NLGN1: variants seen among roughly 807,000 people sequenced by gnomAD.
The protein encoded by NLGN1 is neuroligin 1.
Under a neutral mutation model 65.5 loss-of-function variants are expected in NLGN1, and 12 were observed. The observed-to-expected ratio is 0.18, with a 90% CI of 0.12 to 0.30. The LOEUF (loss-of-function observed/expected upper bound fraction) is 0.30. NLGN1 is among the 10% of genes least tolerant of loss of function. The probability of loss-of-function intolerance (pLI) is 1.00; values close to 1 mark genes in which losing one functional copy is unlikely to be tolerated. For missense variants in NLGN1, 750 were observed against 1,007.1 expected, an observed-to-expected ratio of 0.74 and a Z score of 3.46; for synonymous variants, 350 against 359.5, an observed-to-expected ratio of 0.97 and a Z score of 0.30.
rs572590242 is a variant in NLGN1, at chr3:173,964,524, T to C, written c.646+156692T>C. Among the ~76,000 whole-genome samples, 14 of 152,324 alleles carry C rather than the reference T, an allele frequency of 9.2e-5. No homozygotes were observed. The South Asian group carries it at 2.3e-3, about 25-fold the overall frequency. ...ACCAGGAAACACAGACTCAAGCTTA[T>C]ACTTTCTGGTGATAGAATATCAAAG... On this transcript the variant is annotated intron_variant, in intron 4 of 6. Coordinates refer to ENST00000457714, the Ensembl canonical transcript of NLGN1.
chr3:174,163,460 G>A (rs1379165967), intron 4 of NLGN1, among the ~76,000 whole-genome samples: 1 of 151,718 alleles, frequency 6.6e-6, no homozygotes, highest in Non-Finnish European at 1.5e-5. Context: ...TTAGACTCAG[G>A]GGTACATATA....
At chr3:173,543,428 A>T (rs151334256) in intron 2 of NLGN1, among the ~76,000 whole-genome samples, 1 of 152,286 alleles carries the variant, frequency 6.6e-6, no homozygotes, top group African/African-American at 2.4e-5. Context: ...GCCTTTTTAA[A>T]GCAGTACATA....
chr3:173,722,173 A>C (rs1037627305), intron 3 of NLGN1, among the ~76,000 whole-genome samples: 8 of 151,860 alleles, frequency 5.3e-5, no homozygotes, highest in Non-Finnish European at 7.4e-5. Context: ...CTCAGTAACA[A>C]GTTCTTCAGT....
chr3:173,711,518 C>T (rs6800057), intron 3 of NLGN1, among the ~76,000 whole-genome samples: 17,850 of 152,126 alleles, frequency 0.12, 1,226 homozygotes, highest in African/African-American at 0.2. Flanking sequence ...ATAACAGTGT[C>T]TTTTGAAAAC....
chr3:173,719,271 T>C (rs1770406270), intron 3 of NLGN1, among the ~76,000 whole-genome samples: 1 of 152,236 alleles, frequency 6.6e-6, no homozygotes, highest in Admixed American at 6.6e-5. Flanking sequence ...TCTTTTTGTC[T>C]TTCCTGGACT....
At chr3:173,715,096 G>A (rs761974939) in intron 3 of NLGN1, among the ~76,000 whole-genome samples, 2 of 152,104 alleles carry the variant, frequency 1.3e-5, no homozygotes, top group African/African-American at 2.4e-5. Flanking sequence ...AAAGGTGGGG[G>A]AGAGAGAGAA....
intron 4 of NLGN1, among the ~76,000 whole-genome samples, chr3:173,917,318 A>G (rs1740943349): frequency 6.6e-6 from 1 of 152,140 alleles, no homozygotes; most frequent in Non-Finnish European, 1.5e-5. Flanking sequence ...TCAGACACAT[A>G]AGAAACTAAA....
At chr3:173,426,819 T>C (rs1378940349) in intron 1 of NLGN1, among the ~76,000 whole-genome samples, 10 of 152,060 alleles carry the variant, frequency 6.6e-5, no homozygotes, top group Non-Finnish European at 7.4e-5. Flanking sequence ...GGTTTTGGTT[T>C]CAGGGTAATG....
In NLGN1 at chr3:173,951,929, G is replaced by A. The variant is rs115197763; in HGVS notation, c.646+144097G>A. Among the ~76,000 whole-genome samples the A allele has an allele frequency of 8.1e-3, 1,230 of 152,170 alleles. 22 individuals are homozygous for A. The highest frequency in any genetic ancestry group is 0.024 in the African/African-American group (1,010 of 41,506). Reference sequence around the variant, plus strand: ...TTATGGCTTAGTGTTAAACCATTTTGGTTAGATTTTTCACAACATAACTTA... The same window carrying A: ...TTATGGCTTAGTGTTAAACCATTTTAGTTAGATTTTTCACAACATAACTTA... On this transcript the variant is annotated intron_variant, in intron 4 of 6. Coordinates refer to ENST00000457714, the Ensembl canonical transcript of NLGN1.
chr3:174,224,638 G>A (rs1028736269), intron 4 of NLGN1, among the ~76,000 whole-genome samples: 1 of 152,176 alleles, frequency 6.6e-6, no homozygotes, highest in Non-Finnish European at 1.5e-5. Flanking sequence ...GGCAGAGGTT[G>A]CAGTGAGCCG....
chr3:173,983,430 T>C (rs973986236), intron 4 of NLGN1, among the ~76,000 whole-genome samples: 2 of 152,124 alleles, frequency 1.3e-5, no homozygotes, highest in African/African-American at 4.8e-5. Context: ...ACCCAAAGGA[T>C]TAGTGCAGAA....
At chr3:173,802,168 A>G (rs1489562546) in intron 3 of NLGN1, among the ~76,000 whole-genome samples, 1 of 152,090 alleles carries the variant, frequency 6.6e-6, no homozygotes, top group Non-Finnish European at 1.5e-5. Flanking sequence ...TTGTTAAAAC[A>G]GCTTCAAGTA....
intron 2 of NLGN1, among the ~76,000 whole-genome samples, chr3:173,593,996 C>T (rs1023182240): frequency 1.3e-4 from 20 of 152,244 alleles, no homozygotes; most frequent in African/African-American, 4.1e-4. Flanking sequence ...TGGGTCCCCC[C>T]GACAACACGT....
intron 4 of NLGN1, among the ~76,000 whole-genome samples, chr3:174,013,868 C>A (rs1270244072): frequency 1.3e-5 from 2 of 152,102 alleles, no homozygotes; most frequent in African/African-American, 4.8e-5. Flanking sequence ...CATGTGCCAC[C>A]AGGTCAGGCC....
At chr3:173,619,144 A>G (rs1244183107) in intron 3 of NLGN1, among the ~76,000 whole-genome samples, 2 of 152,164 alleles carry the variant, frequency 1.3e-5, no homozygotes, top group Non-Finnish European at 2.9e-5. Context: ...GGTGCACATC[A>G]GTAAATGTTC....
At chr3:173,893,740 C>T (rs1735795601) in intron 4 of NLGN1, among the ~76,000 whole-genome samples, 2 of 152,094 alleles carry the variant, frequency 1.3e-5, no homozygotes, top group Non-Finnish European at 2.9e-5. Context: ...ACTTAACTCA[C>T]CTCCCTTTGT....
At chr3:174,084,909 AG>A (rs1742948354) in intron 4 of NLGN1, among the ~76,000 whole-genome samples, 1 of 152,056 alleles carries the variant, frequency 6.6e-6, no homozygotes, top group Non-Finnish European at 1.5e-5. Context: ...CTCAATAGGA[AG>A]ACTGAACCAT....
intron 2 of NLGN1, among the ~76,000 whole-genome samples, chr3:173,542,442 C>A (rs1739050624): frequency 6.6e-6 from 1 of 152,026 alleles, no homozygotes; most frequent in African/African-American, 2.4e-5. Context: ...ATTCACTAAT[C>A]ATTGCTCACC....
chr3:173,800,447 G>T, intron 3 of NLGN1: 2 of 319,242 alleles, frequency 6.3e-6, no homozygotes, highest in Non-Finnish European at 1.1e-5. Context: ...TTTTTGAAGA[G>T]TTGTTTTTAA....
Sources: gnomAD v4.1 joint callset for allele counts (sites outside exome capture counted in the v4.1 genomes callset) on GRCh38, gnomAD v4.1.1 for gene constraint, MANE v1.5 for transcripts, NCBI Gene and HGNC (gene_info 2026-07-23, HGNC 2026-07-21) for gene names.